The following CACNA1E variants were observed in gnomAD, a reference collection of about 807,000 sequenced individuals.
The protein encoded by CACNA1E is voltage-dependent R-type calcium channel subunit alpha-1E.
In CACNA1E, 40 loss-of-function variants were observed where a neutral mutation model predicts 259.2. The ratio of observed to expected loss-of-function variants is 0.15; its 90% CI spans 0.12 to 0.20. CACNA1E has a LOEUF of 0.20. Among genes scored for constraint, CACNA1E ranks in the 10% least tolerant of loss-of-function variants. The pLI is 1.00. For synonymous variants in CACNA1E, 1,104 were observed against 1,138.5 expected, an observed-to-expected ratio of 0.97 and a Z score of 0.61; for missense variants, 1,874 against 3,040.1, an observed-to-expected ratio of 0.62 and a Z score of 9.02.
intron 3 of CACNA1E, among the ~76,000 whole-genome samples, chr1:181,540,012 T>G (rs962600260): frequency 1.3e-5 from 2 of 152,188 alleles, no homozygotes; most frequent in Non-Finnish European, 2.9e-5. Flanking sequence ...TCTCTCCTCC[T>G]TATCATCACC....
intron 25 of CACNA1E, among the ~76,000 whole-genome samples, chr1:181,741,346 C>A (rs1404454470): frequency 2.6e-5 from 4 of 152,208 alleles, no homozygotes; most frequent in Non-Finnish European, 5.9e-5. Flanking sequence ...CAGTTCTCAT[C>A]TCTGAAATGC....
chr1:181,383,525 TCTGA>T (rs774612182), intron 1 of CACNA1E, among the ~76,000 whole-genome samples: 20 of 152,210 alleles, frequency 1.3e-4, no homozygotes, highest in Non-Finnish European at 2.2e-4. Context: ...TTTAGAAAAC[TCTGA>T]CTGAGCAGGA....
intron 1 of CACNA1E, among the ~76,000 whole-genome samples, chr1:181,344,576 T>A (rs1342985799): frequency 6.6e-6 from 1 of 152,122 alleles, no homozygotes; most frequent in Admixed American, 6.5e-5. Context: ...AATAATTGCC[T>A]CAGGGGAAAA....
chr1:181,674,785 T>C (rs1315444531), intron 7 of CACNA1E, among the ~76,000 whole-genome samples: 1 of 152,098 alleles, frequency 6.6e-6, no homozygotes, highest in East Asian at 1.9e-4. Context: ...GTCTGCAGAG[T>C]GCCACCCCTC....
Position 181,391,833 on chromosome 1 carries a change from G to A in CACNA1E, c.-14-21300G>A, listed in dbSNP as rs12083378. The stretch of plus-strand genomic sequence containing the variant: ...GGTGGAATAGAAGGCTGTTGGATTT[G>A]TCTGTCAGAAAGTACCATAGCACAG... On this transcript the variant is annotated intron_variant, in intron 1 of 11. Transcript: ENST00000524607. 7.8e-3 allele frequency among the ~76,000 whole-genome samples: 1,182 copies of A among 152,176 alleles called. 28 individuals carry two copies. The highest frequency in any genetic ancestry group is 0.027 in the African/African-American group (1,134 of 41,506).
intron 7 of CACNA1E, among the ~76,000 whole-genome samples, chr1:181,685,858 C>A (rs1423127327): frequency 6.6e-6 from 1 of 152,092 alleles, no homozygotes; most frequent in African/African-American, 2.4e-5. Flanking sequence ...TATAAAATGA[C>A]CCTGTCCTTT....
In CACNA1E at chr1:181,732,515, C is replaced by A. The variant is rs1655587901; in HGVS notation, c.2429C>A (p.Pro810His). The A allele has an allele frequency of 6.4e-7, 1 of 1,551,386 alleles. No individual in the cohort carries two copies. The highest frequency in any genetic ancestry group is 8.7e-7 in the Non-Finnish European group (1 of 1,146,814). The change falls in exon 20 of 48, where the codon CCC becomes CAC. Residue 810 changes from proline to histidine, a missense_variant. This residue lies in a region of CACNA1E where 476 missense variants were observed against 514.0 expected (regional missense o/e 0.93). Coordinates refer to ENST00000367573, the MANE Select transcript of CACNA1E (RefSeq NM_001205293.3). The surrounding 1 kb of genome is among the most constrained non-coding windows in gnomAD (Gnocchi z 5.5). Reference sequence around the variant, plus strand: ...GCGCCGACCATGAACCCGCTCAACCCCCTCAACCCGCTCAGCTCCCTCAAC... The same window carrying A: ...GCGCCGACCATGAACCCGCTCAACCACCTCAACCCGCTCAGCTCCCTCAAC... Reference protein sequence around the residue: ...EEAPTMNPLNPLNPLSSLNPL... With the variant: ...EEAPTMNPLNHLNPLSSLNPL...
intron 3 of CACNA1E, among the ~76,000 whole-genome samples, chr1:181,542,624 A>G (rs1242316203): frequency 1.3e-5 from 2 of 151,946 alleles, no homozygotes; most frequent in Admixed American, 6.6e-5. Context: ...CCTTGTGAAG[A>G]AAGTGTCTTA....
intron 6 of CACNA1E, among the ~76,000 whole-genome samples, chr1:181,624,254 C>T (rs1386976876): frequency 6.6e-6 from 1 of 152,140 alleles, no homozygotes; most frequent in Non-Finnish European, 1.5e-5. Context: ...CCACCTTCAA[C>T]CCTAGAGATC....
At chr1:181,543,756 A>G (rs970479637) in intron 3 of CACNA1E, among the ~76,000 whole-genome samples, 1 of 152,232 alleles carries the variant, frequency 6.6e-6, no homozygotes, top group African/African-American at 2.4e-5. Flanking sequence ...ATCATTAGCC[A>G]TTAGGGAAAT....
intron 3 of CACNA1E, among the ~76,000 whole-genome samples, chr1:181,567,017 T>C (rs1007716165): frequency 1.2e-4 from 19 of 152,254 alleles, no homozygotes; most frequent in Admixed American, 3.9e-4. Flanking sequence ...CCACCACCAA[T>C]TGTCTGTCCC....
At chr1:181,671,201 T>C (rs1648759576) in intron 7 of CACNA1E, among the ~76,000 whole-genome samples, 2 of 152,138 alleles carry the variant, frequency 1.3e-5, no homozygotes, top group Non-Finnish European at 2.9e-5. Flanking sequence ...ACCTGGCTAA[T>C]TTTTTGTAGA....
At chr1:181,321,018 G>A (rs1197789758) in intron 1 of CACNA1E, among the ~76,000 whole-genome samples, 1 of 152,202 alleles carries the variant, frequency 6.6e-6, no homozygotes, top group East Asian at 1.9e-4. Context: ...GAAAGGGAAG[G>A]GGAGCTGGTG....
intron 1 of CACNA1E, among the ~76,000 whole-genome samples, chr1:181,334,930 C>T (rs1264769285): frequency 6.6e-6 from 1 of 152,226 alleles, no homozygotes; most frequent in African/African-American, 2.4e-5. Flanking sequence ...CACCGCTTAT[C>T]TCCCTGGACT....
intron 1 of CACNA1E, among the ~76,000 whole-genome samples, chr1:181,397,321 C>T (rs113973729): frequency 2.6e-5 from 4 of 152,216 alleles, no homozygotes; most frequent in Admixed American, 2.6e-4. Flanking sequence ...GCCCCTGCCT[C>T]GGTGAGTTTT....
chr1:181,635,517 G>A (rs769828812), intron 6 of CACNA1E, among the ~76,000 whole-genome samples: 6 of 151,886 alleles, frequency 4.0e-5, no homozygotes, highest in Non-Finnish European at 8.8e-5. Context: ...ATACATCAAT[G>A]TAGCAGCTAA....
intron 1 of CACNA1E, among the ~76,000 whole-genome samples, chr1:181,394,303 C>T (rs1357702812): frequency 6.6e-6 from 1 of 152,214 alleles, no homozygotes; most frequent in Non-Finnish European, 1.5e-5. Flanking sequence ...TTTAAAGTGT[C>T]TGGCACATAG....
chr1:181,326,018 G>T (rs572866640), intron 1 of CACNA1E, among the ~76,000 whole-genome samples: 2 of 152,108 alleles, frequency 1.3e-5, no homozygotes, highest in Non-Finnish European at 2.9e-5. Context: ...CACCCGCTCC[G>T]CCGCCGGTTT....
At chr1:181,745,400 G>A (rs1391197147) in intron 25 of CACNA1E, 1 of 481,410 alleles carries the variant, frequency 2.1e-6, no homozygotes, top group Admixed American at 2.4e-5. Flanking sequence ...TCAGCCCGTG[G>A]CCACAGACCC....
Sources: gnomAD v4.1 joint callset for allele counts (sites outside exome capture counted in the v4.1 genomes callset) on GRCh38, gnomAD v4.1.1 for gene constraint, gnomAD v4.1.1 regional missense constraint, Gnocchi (gnomAD v3.1) non-coding constraint, MANE v1.5 for transcripts, NCBI Gene and HGNC (gene_info 2026-07-23, HGNC 2026-07-21) for gene names.